CPZ: variants seen among roughly 807,000 people sequenced by gnomAD.
CPZ encodes the protein VEZT/CPZ fusion.
A neutral mutation model predicts 61.8 loss-of-function variants in CPZ; 103 were observed. That is an observed-to-expected ratio of 1.67 (90% CI 1.42 to 1.96). The LOEUF is 1.96. Among genes scored for constraint, CPZ ranks in the 30% most tolerant of loss-of-function variants. The probability of loss-of-function intolerance (pLI) is 0.00; values close to 1 mark genes in which losing one functional copy is unlikely to be tolerated. For synonymous variants in CPZ, 551 were observed against 373.7 expected, an observed-to-expected ratio of 1.47 and a Z score of -5.47; for missense variants, 1,461 against 914.9, an observed-to-expected ratio of 1.60 and a Z score of -7.70.
chr4:8,606,133 T>A lies in CPZ; in HGVS notation c.854T>A (p.Ile285Asn), dbSNP rs1714981809. 1 of 1,614,008 alleles carries A rather than the reference T, an allele frequency of 6.2e-7. No homozygotes were observed. Among genetic ancestry groups the A allele is most frequent in the Non-Finnish European group, 8.5e-7 (1 of 1,179,904 alleles). The change falls in exon 5 of 11, where the codon ATC (isoleucine) becomes AAC (asparagine). Residue 285 changes from isoleucine (I) to asparagine (N), a missense_variant. Physicochemically the swap from Ile to Asn is moderately radical, Grantham distance 149 (BLOSUM62 -3). Transcript: ENST00000360986. ...CAGCGCCTGCTCAACACCACCCGCATCCACCTGCTGCCCTCCATGAACCCT... is the reference window on the plus strand; with the variant it reads ...CAGCGCCTGCTCAACACCACCCGCAACCACCTGCTGCCCTCCATGAACCCT... ...RIQRLLNTTR[I>N]HLLPSMNPDG...
At chr4:8,598,011 A>G (rs1033582529) in intron 1 of CPZ, among the ~76,000 whole-genome samples, 3 of 152,130 alleles carry the variant, frequency 2.0e-5, no homozygotes, top group African/African-American at 7.2e-5. Context: ...GTTCCCTGCC[A>G]GCTTGGACAG....
At chr4:8,605,459 C>A (rs80206627) in intron 4 of CPZ, among the ~76,000 whole-genome samples, 1 of 152,082 alleles carries the variant, frequency 6.6e-6, no homozygotes, top group East Asian at 1.9e-4. Flanking sequence ...ATCCATCATC[C>A]GTCCATCCAT....
At position 8,616,378 on chromosome 4, in the gene CPZ, GA is replaced by G. The variant is rs926720169; in HGVS notation, c.1503+1888del. On this transcript the variant is annotated intron_variant, in intron 9 of 10. Transcript: ENST00000360986. ...ACCCGTGGGCCCAAGAGCAGGGACA[GA>G]AAAAAAATCCGTCCACTGCAGGCTG... Among the ~76,000 whole-genome samples the G allele has an allele frequency of 3.3e-5, 5 of 152,020 alleles. No individual in the cohort carries two copies. The East Asian group carries it at 9.6e-4, about 29-fold the overall frequency.
chr4:8,593,766 C>T (rs1404357263), intron 1 of CPZ, among the ~76,000 whole-genome samples: 1 of 152,146 alleles, frequency 6.6e-6, no homozygotes, highest in Non-Finnish European at 1.5e-5. Context: ...TGTGCCAGGA[C>T]CACAATACCC....
intron 7 of CPZ, among the ~76,000 whole-genome samples, chr4:8,609,118 C>CT (rs879349279): frequency 1.3e-5 from 1 of 77,390 alleles, no homozygotes; most frequent in Non-Finnish European, 2.4e-5. Context: ...TTCCTCACTC[C>CT]CTCACTCATT....
chr4:8,617,236 C>T (rs1241996958), intron 9 of CPZ, among the ~76,000 whole-genome samples: 1 of 152,230 alleles, frequency 6.6e-6, no homozygotes, highest in African/African-American at 2.4e-5. Context: ...CTGCAGAAGC[C>T]AGAGCTGCTT....
intron 2 of CPZ, chr4:8,600,898 G>A (rs1577110178): frequency 7.9e-7 from 1 of 1,270,778 alleles, no homozygotes; most frequent in Non-Finnish European, 9.9e-7. Flanking sequence ...GCTGCGGCTG[G>A]CTTGCTGGTG....
chr4:8,597,470 A>C (rs1714258905), intron 1 of CPZ: 1 of 152,152 alleles, frequency 6.6e-6, no homozygotes, highest in Non-Finnish European at 1.5e-5. Flanking sequence ...GAGTCACGTG[A>C]GGGTGCCAGG....
At chr4:8,611,851 C>T (rs1056599754) in intron 7 of CPZ, among the ~76,000 whole-genome samples, 176 bp from the exon 8 acceptor site, 2 of 152,092 alleles carry the variant, frequency 1.3e-5, no homozygotes, top group Non-Finnish European at 2.9e-5. Context: ...TCTGGGCCTT[C>T]ACATACACTG....
chr4:8,607,527 T>C, intron 7 of CPZ, 102 bp downstream of exon 7: 3 of 1,358,778 alleles, frequency 2.2e-6, no homozygotes, highest in Non-Finnish European at 3.0e-6. Context: ...GCAAAGCTCC[T>C]AGGAACCTCT....
chr4:8,594,596 C>T (rs3822206), intron 1 of CPZ, among the ~76,000 whole-genome samples: 13,156 of 152,102 alleles, frequency 0.086, 1,361 homozygotes, highest in African/African-American at 0.22. Flanking sequence ...CTGTCACTCC[C>T]CTGTTGAAGA....
At position 8,614,445 on chromosome 4, in the gene CPZ, C is replaced by T. The variant is rs1029117884; in HGVS notation, c.1450C>T (p.Leu484=). The T allele has an allele frequency of 6.2e-7, 1 of 1,614,068 alleles. No homozygotes were observed. Among genetic ancestry groups the T allele is most frequent in the Non-Finnish European group, 8.5e-7 (1 of 1,179,970 alleles). The part of the protein sequence containing the change: ...GCVKFPPEEA[L]YILWQHNKES... The stretch of plus-strand genomic sequence containing the variant: ...TGTGAAGTTCCCCCCCGAGGAGGCC[C>T]TGTACATACTCTGGCAGCACAACAA... Residue 484 remains leucine, a synonymous_variant, in exon 9 of 11, where the codon CTG becomes TTG. Transcript: ENST00000360986.
Position 8,619,706 on chromosome 4 carries a change from ATCCCAC to A in CPZ, c.*90_*95del. 2.0e-6 allele frequency: 2 copies of A among 1,020,226 alleles called. No homozygotes were observed. Among genetic ancestry groups the A allele is most frequent in the Non-Finnish European group, 2.7e-6 (2 of 732,932 alleles). 63.2% of individuals were successfully genotyped at this position (1,020,226 alleles called of 1,614,324 possible). A position where few individuals can be genotyped will look rare whatever the true frequency, so the allele number is the denominator to read the frequency against. ...GCTCTTGATTTTGTCTGCCACAGACATCCCACAAAGCCGCTGCCATTTTATTAAAGT... is the reference window on the plus strand; with the variant it reads ...GCTCTTGATTTTGTCTGCCACAGACAAAAGCCGCTGCCATTTTATTAAAGT... On this transcript the variant is annotated 3_prime_UTR_variant, in exon 11 of 11. Transcript: ENST00000360986.
intron 9 of CPZ, 197 bp from the exon 10 acceptor site, chr4:8,618,232 G>C (rs552327040): frequency 1.7e-6 from 1 of 595,386 alleles, no homozygotes; most frequent in African/African-American, 1.9e-5. Flanking sequence ...TCAATTGCCA[G>C]GGAGGAAACT....
In CPZ at chr4:8,619,406, C is replaced by T. The variant is rs763055068; in HGVS notation, c.1748C>T (p.Pro583Leu). ...GGCCGTGTGGACTTCATTCTGCAAC[C>T]TCTGGGGATGGGACCCAAGAACTTT... ...RAGRVDFILQPLGMGPKNFIH... is the reference protein window; with the variant it reads ...RAGRVDFILQLLGMGPKNFIH... The change falls in exon 11 of 11, where the codon CCT (proline) becomes CTT (leucine). Residue 583 changes from proline (P) to leucine (L), a missense_variant. Transcript: ENST00000360986. 1.9e-6 allele frequency: 3 copies of T among 1,614,194 alleles called. No homozygotes were observed. The highest frequency in any genetic ancestry group is 2.7e-5 in the African/African-American group (2 of 75,068).
chr4:8,604,584 C>A (rs1714801470), intron 4 of CPZ, among the ~76,000 whole-genome samples: 1 of 152,182 alleles, frequency 6.6e-6, no homozygotes. Context: ...TGGGTTCAAG[C>A]AATTCTCCTG....
intron 7 of CPZ, among the ~76,000 whole-genome samples, chr4:8,609,898 GCCAAGGTACCCTTTCACCAAACTT>G (rs1715509317): frequency 6.6e-6 from 1 of 152,200 alleles, no homozygotes; most frequent in Non-Finnish European, 1.5e-5. Flanking sequence ...GCTGGGGTGT[GCCAAGGTACCCTTTCACCAAACTT>G]CCATGGTGCC....
At position 8,617,296 on chromosome 4, in the gene CPZ, A is replaced by C. The variant is rs372319017; in HGVS notation, c.1504-1133A>C. ...GAGGAAACTGAGGCACCCAGAAGCA[A>C]AGGTTTGTCTGAAGTGAACAGTCAC... On this transcript the variant is annotated intron_variant, in intron 9 of 10. Coordinates refer to ENST00000360986, the MANE Select transcript of CPZ (RefSeq NM_001014447.3). Among the ~76,000 whole-genome samples, 15 of 152,304 alleles carry C rather than the reference A, an allele frequency of 9.8e-5. No homozygotes were observed. In the East Asian group the frequency reaches 1.2e-3, roughly 12 times the overall value.
chr4:8,607,299 G>T lies in CPZ; in HGVS notation c.1101G>T (p.Trp367Cys), dbSNP rs761030283. ...CGGAGACAAAGGCAATCATGAAGTG[G>T]ATGCAGACCATACCCTTTGTGCTCT... Reference protein sequence around the residue: ...VAPETKAIMKWMQTIPFVLSA... With the variant: ...VAPETKAIMKCMQTIPFVLSA... Residue 367 changes from tryptophan (W) to cysteine (C), a missense_variant, in exon 7 of 11, where the codon TGG (tryptophan) becomes TGT (cysteine). By Grantham distance (215) the Trp-to-Cys change is radical. Coordinates refer to ENST00000360986, the MANE Select transcript of CPZ (RefSeq NM_001014447.3). 6.2e-7 allele frequency: 1 copy of T among 1,614,106 alleles called. No individual in the cohort carries two copies. Among genetic ancestry groups the T allele is most frequent in the Non-Finnish European group, 8.5e-7 (1 of 1,179,968 alleles).
Sources: allele counts gnomAD v4.1 joint callset (sites outside exome capture counted in the v4.1 genomes callset), GRCh38; gene constraint gnomAD v4.1.1; transcripts MANE v1.5; gene names NCBI Gene and HGNC (gene_info 2026-07-23, HGNC 2026-07-21).